RAP1GDS1: variants seen among roughly 807,000 people sequenced by gnomAD.
RAP1GDS1 encodes the protein Rap1 GTPase-GDP dissociation stimulator 1, also known as RAP1, GTP-GDP dissociation stimulator 1.
A neutral mutation model predicts 71.1 loss-of-function variants in RAP1GDS1; 35 were observed. The observed-to-expected ratio is 0.49, with a 90% CI of 0.38 to 0.65. The LOEUF (loss-of-function observed/expected upper bound fraction) is 0.65. Among genes scored for constraint, RAP1GDS1 ranks in the 30% least tolerant of loss-of-function variants. The pLI is 0.00. For missense variants in RAP1GDS1, 663 were observed against 706.1 expected (o/e 0.94, Z 0.69); for synonymous variants, 229 against 243.1 (o/e 0.94, Z 0.54).
chr4:98,336,704 C>T (rs1436329381), intron 2 of RAP1GDS1, among the ~76,000 whole-genome samples: 1 of 151,984 alleles, frequency 6.6e-6, no homozygotes, highest in Non-Finnish European at 1.5e-5. Context: ...TGAAAGAATT[C>T]ACTTTCTTGT....
At chr4:98,400,575 A>G (rs1745262853) in intron 6 of RAP1GDS1, among the ~76,000 whole-genome samples, 1 of 151,754 alleles carries the variant, frequency 6.6e-6, no homozygotes, top group African/African-American at 2.4e-5. Flanking sequence ...GAAAGGTAGC[A>G]GGAAGAGGGA....
chr4:98,318,058 AT>A (rs1731211820), intron 2 of RAP1GDS1, among the ~76,000 whole-genome samples: 1 of 151,888 alleles, frequency 6.6e-6, no homozygotes, highest in South Asian at 2.1e-4. Flanking sequence ...GGTCAGGCTG[AT>A]CTTGAACTCC....
intron 2 of RAP1GDS1, among the ~76,000 whole-genome samples, chr4:98,308,976 C>T (rs1484256973): frequency 2.0e-5 from 3 of 152,132 alleles, no homozygotes; most frequent in Non-Finnish European, 2.9e-5. Context: ...TAAAGTATAT[C>T]TGTGTGCCTT....
chr4:98,295,203 C>A (rs183604137), intron 2 of RAP1GDS1, among the ~76,000 whole-genome samples: 1 of 152,104 alleles, frequency 6.6e-6, no homozygotes, highest in African/African-American at 2.4e-5. Flanking sequence ...TTAGAATAAG[C>A]CCATTGCGGA....
intron 4 of RAP1GDS1, among the ~76,000 whole-genome samples, chr4:98,378,279 T>A (rs917557055): frequency 7.9e-5 from 12 of 151,944 alleles, no homozygotes; most frequent in Non-Finnish European, 1.8e-4. Context: ...TTAAGTAACA[T>A]CTGTTTTATG....
chr4:98,430,651 C>G (rs1166059782), intron 12 of RAP1GDS1, among the ~76,000 whole-genome samples: 2 of 152,130 alleles, frequency 1.3e-5, no homozygotes, highest in East Asian at 1.9e-4. Context: ...ACTGTTTGAC[C>G]ATGGATCCTT....
At chr4:98,294,345 T>C (rs1004911403) in intron 2 of RAP1GDS1, among the ~76,000 whole-genome samples, 3 of 152,108 alleles carry the variant, frequency 2.0e-5, no homozygotes, top group Non-Finnish European at 2.9e-5. Flanking sequence ...TCAACACTTA[T>C]TGATATATGT....
chr4:98,356,944 A>G (rs576606228), intron 4 of RAP1GDS1, among the ~76,000 whole-genome samples: 2 of 152,112 alleles, frequency 1.3e-5, no homozygotes, highest in South Asian at 4.1e-4. Flanking sequence ...TTTAATATAA[A>G]GTCTTTATTT....
intron 2 of RAP1GDS1, among the ~76,000 whole-genome samples, chr4:98,307,802 G>A (rs1323637747): frequency 6.6e-6 from 1 of 152,100 alleles, no homozygotes; most frequent in East Asian, 1.9e-4. Context: ...TCTACAAAGT[G>A]ATACTTTTGT....
intron 7 of RAP1GDS1, among the ~76,000 whole-genome samples, chr4:98,407,658 G>T (rs1746336033): frequency 6.6e-6 from 1 of 152,110 alleles, no homozygotes; most frequent in Non-Finnish European, 1.5e-5. Flanking sequence ...GGATAGAATG[G>T]ACTTTGGAGA....
At chr4:98,318,216 T>C (rs555224440) in intron 2 of RAP1GDS1, among the ~76,000 whole-genome samples, 1 of 152,296 alleles carries the variant, frequency 6.6e-6, no homozygotes, top group South Asian at 2.1e-4. Context: ...GCTTAGTCTC[T>C]TAATACCTTT....
At chr4:98,386,717 T>C (rs1742818322) in intron 5 of RAP1GDS1, among the ~76,000 whole-genome samples, 1 of 151,940 alleles carries the variant, frequency 6.6e-6, no homozygotes, top group Non-Finnish European at 1.5e-5. Context: ...AGTAATCTAG[T>C]TTTTATATCC....
chr4:98,328,562 C>G (rs57678573), intron 2 of RAP1GDS1, among the ~76,000 whole-genome samples: 1 of 152,102 alleles, frequency 6.6e-6, no homozygotes, highest in African/African-American at 2.4e-5. Flanking sequence ...ATTTAGGATT[C>G]GTTCTAGTCT....
intron 1 of RAP1GDS1, among the ~76,000 whole-genome samples, chr4:98,263,976 T>G (rs192995242): frequency 1.9e-3 from 287 of 152,296 alleles, no homozygotes; most frequent in African/African-American, 6.5e-3. Flanking sequence ...ATTGAAACCT[T>G]GGGGAACAGT....
chr4:98,385,380 T>A (rs573055057), intron 5 of RAP1GDS1, among the ~76,000 whole-genome samples: 14 of 151,830 alleles, frequency 9.2e-5, no homozygotes, highest in South Asian at 4.1e-4. Flanking sequence ...ATGCACAAAT[T>A]TTTAGGTTCC....
At chr4:98,298,920 T>TA (rs1177030519) in intron 2 of RAP1GDS1, among the ~76,000 whole-genome samples, 1 of 152,184 alleles carries the variant, frequency 6.6e-6, no homozygotes, top group East Asian at 1.9e-4. Context: ...ACTTTTTTTT[T>TA]ATTATACTTT....
chr4:98,261,992 A>G (rs1722067008), intron 1 of RAP1GDS1, among the ~76,000 whole-genome samples: 1 of 152,236 alleles, frequency 6.6e-6, no homozygotes, highest in African/African-American at 2.4e-5. Flanking sequence ...ACTTCGTGTA[A>G]CTTCCTTCTC....
chr4:98,426,432 A>G (rs1277135641), intron 12 of RAP1GDS1, among the ~76,000 whole-genome samples: 1 of 152,188 alleles, frequency 6.6e-6, no homozygotes, highest in Non-Finnish European at 1.5e-5. Context: ...AAATGAAACA[A>G]AAAGCTGATT....
rs548722013 is a variant in RAP1GDS1, at chr4:98,288,372, TA to T, written c.5-5035del. 2.6e-3 allele frequency among the ~76,000 whole-genome samples: 400 copies of T among 152,332 alleles called. 2 individuals carry two copies. The highest frequency in any genetic ancestry group is 9.3e-3 in the African/African-American group (387 of 41,584). ...CAAAGGACATGAACTCATCGTTTTT[TA>T]TGGCTGCATAGTATTCCATGGTGTA... is the stretch of plus-strand genomic sequence containing the variant. On this transcript the variant is annotated intron_variant, in intron 1 of 14. Transcript: ENST00000408927.
Sources: allele counts gnomAD v4.1 joint callset (sites outside exome capture counted in the v4.1 genomes callset), GRCh38; gene constraint gnomAD v4.1.1; transcripts MANE v1.5; gene names NCBI Gene and HGNC (gene_info 2026-07-23, HGNC 2026-07-21).